PALS2: variants seen among roughly 807,000 people sequenced by gnomAD.
PALS2 encodes the protein protein PALS2.
PALS2 carries 27 observed loss-of-function variants against 61.6 expected under a neutral mutation model. The ratio of observed to expected loss-of-function variants is 0.44; its 90% CI spans 0.32 to 0.60. The LOEUF (loss-of-function observed/expected upper bound fraction) is 0.60. Ranked by LOEUF, PALS2 falls within the 20% of genes least tolerant of loss-of-function variation. The pLI, the probability that PALS2 is intolerant of heterozygous loss-of-function variation, is 0.05. For missense variants in PALS2, 554 were observed against 639.4 expected (o/e 0.87, Z 1.44); for synonymous variants, 236 against 218.6 (o/e 1.08, Z -0.70).
At chr7:24,642,691 T>C (rs1048797090) in intron 3 of PALS2, among the ~76,000 whole-genome samples, 6 of 152,180 alleles carry the variant, frequency 3.9e-5, no homozygotes, top group African/African-American at 1.4e-4. Flanking sequence ...AGATTTTATG[T>C]GACTCTTCAA....
At chr7:24,592,312 A>G (rs993211088) in intron 1 of PALS2, among the ~76,000 whole-genome samples, 3 of 152,100 alleles carry the variant, frequency 2.0e-5, no homozygotes, top group Non-Finnish European at 4.4e-5. Flanking sequence ...GACAATTAAG[A>G]TGAATTTACA....
At chr7:24,612,690 C>G (rs975280387) in intron 1 of PALS2, among the ~76,000 whole-genome samples, 5 of 151,672 alleles carry the variant, frequency 3.3e-5, no homozygotes, top group African/African-American at 1.2e-4. Flanking sequence ...CTGTGTTGCT[C>G]TTATTTATAG....
chr7:24,676,330 G>A (rs1403327533), intron 9 of PALS2, among the ~76,000 whole-genome samples: 2 of 151,184 alleles, frequency 1.3e-5, no homozygotes, highest in Non-Finnish European at 2.9e-5. Context: ...TAGGTTGCCT[G>A]TTCACTCTGA....
At chr7:24,627,462 C>G (rs1196224512) in intron 2 of PALS2, among the ~76,000 whole-genome samples, 1 of 151,870 alleles carries the variant, frequency 6.6e-6, no homozygotes, top group Non-Finnish European at 1.5e-5. Context: ...ACTAGAGAAG[C>G]AAGAGCAATT....
intron 2 of PALS2, chr7:24,624,212 A>C (rs114401373): frequency 3.9e-6 from 4 of 1,034,210 alleles, no homozygotes; most frequent in Non-Finnish European, 5.1e-6. Context: ...TATTTGTTGC[A>C]TAAGCCTGGT....
intron 2 of PALS2, among the ~76,000 whole-genome samples, chr7:24,639,644 AAG>A (rs1214792611): frequency 6.6e-6 from 1 of 151,964 alleles, no homozygotes; most frequent in Non-Finnish European, 1.5e-5. Flanking sequence ...CTTATTTCAT[AAG>A]AGTTAACTAA....
At chr7:24,634,542 C>T (rs1289356599) in intron 2 of PALS2, among the ~76,000 whole-genome samples, 1 of 152,060 alleles carries the variant, frequency 6.6e-6, no homozygotes, top group Non-Finnish European at 1.5e-5. Flanking sequence ...AGCACAGAAG[C>T]TTTTAATTTG....
At chr7:24,583,194 A>G (rs1782913898) in intron 1 of PALS2, among the ~76,000 whole-genome samples, 2 of 152,066 alleles carry the variant, frequency 1.3e-5, no homozygotes, top group Admixed American at 6.5e-5. Flanking sequence ...CCTGGAAATC[A>G]TTCATATTTT....
At chr7:24,624,008 C>T (rs574054964) in intron 2 of PALS2, 122 of 1,196,412 alleles carry the variant, frequency 1.0e-4, no homozygotes, top group African/African-American at 4.1e-4. Flanking sequence ...TTAGTTTTGG[C>T]GTAATGCCTT....
intron 5 of PALS2, among the ~76,000 whole-genome samples, chr7:24,651,847 A>G (rs1312158736): frequency 6.6e-6 from 1 of 152,230 alleles, no homozygotes; most frequent in Admixed American, 6.5e-5. Flanking sequence ...ATTTCCATAC[A>G]GTTATTTGAA....
chr7:24,668,722 A>G lies in PALS2; in HGVS notation c.1114+62A>G, dbSNP rs372732367. 10 of 1,546,022 alleles carry G rather than the reference A, an allele frequency of 6.5e-6. No homozygotes were observed. The African/African-American group carries it at 1.1e-4, about 17-fold the overall frequency. ...AGGAAAGAGTATGGGCATATGGAGG[A>G]AAGGGGGATTATTATCATTAGTTAT... On this transcript the variant is annotated intron_variant, in intron 9 of 11. Coordinates refer to ENST00000222644, the MANE Select transcript of PALS2 (RefSeq NM_001303037.2).
Position 24,691,387 on chromosome 7 carries a change from G to GTA in PALS2, c.*3775_*3776dup, listed in dbSNP as rs1212016447. ...AAATGTTCGAGTTGCCATATATTAT[G>GTA]TATGTGTGTGTGTGTGTGTATATAT... On this transcript the variant is annotated 3_prime_UTR_variant, in exon 12 of 12. Transcript: ENST00000222644. 7.5e-5 allele frequency: 5 copies of GTA among 66,398 alleles called. No homozygotes were observed. The highest frequency in any genetic ancestry group is 4.1e-4 in the African/African-American group (5 of 12,242). 4.1% of individuals were successfully genotyped at this position (66,398 alleles called of 1,614,324 possible).
At chr7:24,616,541 C>T (rs1784298710) in intron 1 of PALS2, among the ~76,000 whole-genome samples, 1 of 152,102 alleles carries the variant, frequency 6.6e-6, no homozygotes, top group Admixed American at 6.5e-5. Flanking sequence ...TTTGCTTTCC[C>T]TCTGTGTGTC....
intron 1 of PALS2, among the ~76,000 whole-genome samples, chr7:24,597,467 G>A (rs1783566586): frequency 6.6e-6 from 1 of 152,118 alleles, no homozygotes; most frequent in Non-Finnish European, 1.5e-5. Context: ...TGAAAAGTGT[G>A]GTGGGGAAAA....
chr7:24,613,594 G>A (rs568495391), intron 1 of PALS2, among the ~76,000 whole-genome samples: 1 of 151,802 alleles, frequency 6.6e-6, no homozygotes, highest in African/African-American at 2.4e-5. Context: ...ATTTGTGTTG[G>A]GAGCATTCGA....
At chr7:24,613,998 TTTGA>T (rs761104117) in intron 1 of PALS2, among the ~76,000 whole-genome samples, 49 of 152,070 alleles carry the variant, frequency 3.2e-4, no homozygotes, top group Non-Finnish European at 5.7e-4. Flanking sequence ...TATTGGACAC[TTTGA>T]TTGATTCTGT....
intron 1 of PALS2, among the ~76,000 whole-genome samples, chr7:24,590,097 A>G (rs1174220744): frequency 1.3e-5 from 2 of 152,154 alleles, no homozygotes; most frequent in Non-Finnish European, 2.9e-5. Context: ...TTTCAATTTC[A>G]CACAGTAAGT....
intron 2 of PALS2, among the ~76,000 whole-genome samples, chr7:24,628,381 T>G (rs535177552): frequency 6.6e-6 from 1 of 152,144 alleles, no homozygotes; most frequent in Non-Finnish European, 1.5e-5. Context: ...ATAAGAGCTA[T>G]TTATGACAAA....
rs1788393686 is a variant in PALS2, at chr7:24,689,957, C to CT, written c.*2345dup. The CT allele has an allele frequency of 2.0e-5, 3 of 152,152 alleles. No homozygotes were observed. The highest frequency in any genetic ancestry group is 7.2e-5 in the African/African-American group (3 of 41,430). The allele number at this position is 152,152 out of a possible 1,614,324, so 9.4% of individuals were successfully genotyped here. ...TTTATCTGCAAAATATTTCAATCAT[C>CT]TTGGTACAATAGATGACTTTTACAT... On this transcript the variant is annotated 3_prime_UTR_variant, in exon 12 of 12. Transcript: ENST00000222644.
Sources: allele counts gnomAD v4.1 joint callset (sites outside exome capture counted in the v4.1 genomes callset), GRCh38; gene constraint gnomAD v4.1.1; transcripts MANE v1.5; gene names NCBI Gene and HGNC (gene_info 2026-07-23, HGNC 2026-07-21).